SCNN1B: variants seen among roughly 807,000 people sequenced by gnomAD.
The protein encoded by SCNN1B is epithelial sodium channel subunit beta.
SCNN1B carries 46 observed loss-of-function variants against 65.3 expected under a neutral mutation model. The ratio of observed to expected loss-of-function variants is 0.70; its 90% confidence interval spans 0.56 to 0.90. The LOEUF (loss-of-function observed/expected upper bound fraction) is 0.90, where lower values mean the gene tolerates loss of function less well. Among genes scored for constraint, SCNN1B ranks in the 40% least tolerant of loss-of-function variants. The pLI is 0.00. For missense variants in SCNN1B, 751 were observed against 830.5 expected, an observed-to-expected ratio of 0.90 and a Z score of 1.18; for synonymous variants, 349 against 330.6, an observed-to-expected ratio of 1.06 and a Z score of -0.60.
At chr16:23,317,686 G>A (rs1961501650) in intron 1 of SCNN1B, among the ~76,000 whole-genome samples, 1 of 152,218 alleles carries the variant, frequency 6.6e-6, no homozygotes, top group Non-Finnish European at 1.5e-5. Context: ...CACCATGCAT[G>A]ATGGCATTTC....
chr16:23,365,620 A>AGAGAAAGAAAGAAAG lies in SCNN1B; in HGVS notation c.777-2236_777-2235insGAGAAAGAAAGAAAG, dbSNP rs11399911. On this transcript the variant is annotated intron_variant, in intron 4 of 12. Transcript: ENST00000343070. The stretch of plus-strand genomic sequence containing the variant: ...AAGAAAGAAAGAAAGAAAGAAAGAA[A>AGAGAAAGAAAGAAAG]AAAGAAAGAAGTCACATCTTGGAAG... Among the ~76,000 whole-genome samples the AGAGAAAGAAAGAAAG allele has an allele frequency of 8.0e-3, 646 of 80,312 alleles. 15 individuals are homozygous for AGAGAAAGAAAGAAAG. Among genetic ancestry groups the AGAGAAAGAAAGAAAG allele is most frequent in the Middle Eastern group, 0.014 (2 of 140 alleles). The allele number at this position is 80,312 out of a possible 152,430, so 52.7% of individuals were successfully genotyped here. A position where few individuals can be genotyped will look rare whatever the true frequency, so the allele number is the denominator to read the frequency against.
rs11455298 is a variant in SCNN1B at position 23,337,374 on chromosome 16, CT to C, written c.-8-11202del. ...TGGCCAGGTTTCTTTCTCTTTCTTT[CT>C]TTTTTTTTTTTTTTTGAGATGGAGT... is the stretch of plus-strand genomic sequence containing the variant. On this transcript the variant is annotated intron_variant, in intron 1 of 12. Transcript: ENST00000343070. 8.7e-3 allele frequency among the ~76,000 whole-genome samples: 1,172 copies of C among 134,042 alleles called. 9 individuals carry two copies. The highest frequency in any genetic ancestry group is 0.027 in the African/African-American group (968 of 35,822). 87.9% of individuals were successfully genotyped at this position (134,042 alleles called of 152,430 possible).
rs773449438 is a variant in SCNN1B, at chr16:23,367,938, G to A, written c.859G>A (p.Ala287Thr). The A allele has an allele frequency of 6.2e-7, 1 of 1,613,842 alleles. No homozygotes were observed. The highest frequency in any genetic ancestry group is 1.3e-5 in the African/African-American group (1 of 74,934). The change falls in exon 5 of 13, where the codon GCC (alanine) becomes ACC (threonine). Residue 287 changes from alanine to threonine, a missense_variant. Physicochemically the swap from Ala to Thr is moderately conservative, Grantham distance 58. Coordinates refer to ENST00000343070, the MANE Select transcript of SCNN1B (RefSeq NM_000336.3). ...WGMTEKALPS[A>T]NPGTEFGLKL... ...CATGACAGAGAAGGCACTTCCTTCG[G>A]CCAACCCTGGAACTGAATTCGGTGA...
Position 23,380,067 on chromosome 16 carries a change from C to T in SCNN1B, c.1467-27C>T. 1.3e-6 allele frequency: 2 copies of T among 1,583,318 alleles called. No homozygotes were observed. The highest frequency in any genetic ancestry group is 1.7e-6 in the Non-Finnish European group (2 of 1,152,110). On this transcript the variant is annotated intron_variant, in intron 11 of 12. Coordinates refer to ENST00000343070, the MANE Select transcript of SCNN1B (RefSeq NM_000336.3). The surrounding 1 kb of genome is among the most constrained non-coding windows in gnomAD (Gnocchi z 5.4). ...CTGTTTGGAAGGGGGATACATTAGT[C>T]CCGGCCCTTCTCGCTGCCTCCTGCA...
chr16:23,335,775 T>C (rs1001406492), intron 1 of SCNN1B, among the ~76,000 whole-genome samples: 1 of 151,992 alleles, frequency 6.6e-6, no homozygotes. Context: ...CATAAATGCA[T>C]GTGTGCTTCA....
intron 1 of SCNN1B, among the ~76,000 whole-genome samples, chr16:23,335,332 C>T (rs1268831797): frequency 6.6e-6 from 1 of 152,206 alleles, no homozygotes; most frequent in Non-Finnish European, 1.5e-5. Context: ...AAGGACTGCA[C>T]AGATACAAGG....
chr16:23,332,753 C>A (rs75571841), intron 1 of SCNN1B, among the ~76,000 whole-genome samples: 2,239 of 152,150 alleles, frequency 0.015, 60 homozygotes, highest in African/African-American at 0.048. Context: ...CACGGGTCTT[C>A]CTTCAAAGGA....
At chr16:23,288,689 G>T (rs1299265077) in intron 2 of SCNN1B, among the ~76,000 whole-genome samples, 1 of 152,146 alleles carries the variant, frequency 6.6e-6, no homozygotes, top group African/African-American at 2.4e-5. Flanking sequence ...CCCACCTGTG[G>T]TCCCAGCTAC....
At chr16:23,319,302 T>G (rs1045180300) in intron 1 of SCNN1B, among the ~76,000 whole-genome samples, 1 of 152,186 alleles carries the variant, frequency 6.6e-6, no homozygotes, top group Non-Finnish European at 1.5e-5. Flanking sequence ...TGCCTCGGCC[T>G]CCCAAAGCGC....
chr16:23,297,320 G>T (rs960110416), upstream of SCNN1B, among the ~76,000 whole-genome samples: 1 of 152,180 alleles, frequency 6.6e-6, no homozygotes, highest in Non-Finnish European at 1.5e-5. Context: ...TTCTGCAAAT[G>T]GATGTATTAG....
intron 1 of SCNN1B, among the ~76,000 whole-genome samples, chr16:23,281,932 C>G (rs1356383268): frequency 6.6e-6 from 1 of 152,140 alleles, no homozygotes; most frequent in African/African-American, 2.4e-5. Flanking sequence ...TGGCTCATGC[C>G]TGTAATCCCA....
intron 5 of SCNN1B, among the ~76,000 whole-genome samples, chr16:23,368,168 G>A (rs542818997): frequency 8.5e-5 from 13 of 152,304 alleles, no homozygotes; most frequent in Non-Finnish European, 1.0e-4. Context: ...TTCAGAATCC[G>A]TGGGGTAGCA....
At chr16:23,335,983 A>G (rs7190829) in intron 1 of SCNN1B, among the ~76,000 whole-genome samples, 20,968 of 152,058 alleles carry the variant, frequency 0.14, 2,364 homozygotes, top group African/African-American at 0.3. Context: ...CTTGGGCAAA[A>G]GAGGTTCATA....
chr16:23,307,376 A>G lies in SCNN1B; in HGVS notation c.-9+4939A>G, dbSNP rs557252589. Among the ~76,000 whole-genome samples the G allele has an allele frequency of 2.7e-5, 4 of 147,624 alleles. No homozygotes were observed. In the South Asian group the frequency reaches 8.6e-4, roughly 32 times the overall value. ...TTCTTGTCACCCAGGCTGGAGTGCA[A>G]TGGTGTGATCTCGGCTCACTGCAAC... On this transcript the variant is annotated intron_variant, in intron 1 of 12. Coordinates refer to ENST00000343070, the MANE Select transcript of SCNN1B (RefSeq NM_000336.3).
intron 1 of SCNN1B, among the ~76,000 whole-genome samples, chr16:23,279,907 G>A (rs73540402): frequency 0.046 from 7,003 of 152,236 alleles, 556 homozygotes; most frequent in African/African-American, 0.16. Flanking sequence ...TGTGTATTCA[G>A]TAAAGATGCA....
At chr16:23,372,782 G>A (rs1050070929) in intron 7 of SCNN1B, among the ~76,000 whole-genome samples, 3 of 149,718 alleles carry the variant, frequency 2.0e-5, no homozygotes, top group Middle Eastern at 3.5e-3. Flanking sequence ...ATGAGCCACC[G>A]CACCCGGACT....
intron 1 of SCNN1B, among the ~76,000 whole-genome samples, chr16:23,307,748 T>A (rs985729890): frequency 2.0e-5 from 3 of 152,148 alleles, no homozygotes; most frequent in Non-Finnish European, 4.4e-5. Context: ...AGCATAATCA[T>A]CACCTGAGCT....
chr16:23,351,139 C>T (rs1160228666), intron 2 of SCNN1B, among the ~76,000 whole-genome samples: 2 of 152,000 alleles, frequency 1.3e-5, no homozygotes, highest in African/African-American at 4.8e-5. Flanking sequence ...TCAGAAAGTC[C>T]CTTCTTTCTA....
intron 8 of SCNN1B, 103 bp from the exon 9 acceptor site, chr16:23,377,062 C>A: frequency 9.8e-7 from 1 of 1,023,954 alleles, no homozygotes; most frequent in Non-Finnish European, 1.5e-6. Context: ...CACCTAACCA[C>A]AGGGCCAGGA....
Sources: gnomAD v4.1 joint callset for allele counts (sites outside exome capture counted in the v4.1 genomes callset) on GRCh38, gnomAD v4.1.1 for gene constraint, Gnocchi (gnomAD v3.1) non-coding constraint, MANE v1.5 for transcripts, NCBI Gene and HGNC (gene_info 2026-07-23, HGNC 2026-07-21) for gene names.